The following NCEH1 variants were observed in gnomAD, a reference collection of about 807,000 sequenced individuals.
The protein encoded by NCEH1 is neutral cholesterol ester hydrolase 1.
Under a neutral mutation model 25.4 loss-of-function variants are expected in NCEH1, and 9 were observed. The ratio of observed to expected loss-of-function variants is 0.35; its 90% CI spans 0.21 to 0.62. The LOEUF (loss-of-function observed/expected upper bound fraction) is 0.62, where lower values mean the gene tolerates loss of function less well. Ranked by LOEUF, NCEH1 falls within the 20% of genes least tolerant of loss-of-function variation. The probability of loss-of-function intolerance (pLI) is 0.72; values close to 1 mark genes in which losing one functional copy is unlikely to be tolerated. For missense variants in NCEH1, 412 were observed against 501.1 expected (o/e 0.82, Z 1.70); for synonymous variants, 200 against 199.8 (o/e 1.00, Z -0.01).
chr3:172,635,874 T>C, intron 4 of NCEH1, 42 bp downstream of exon 4: 2 of 1,585,082 alleles, frequency 1.3e-6, no homozygotes, highest in Non-Finnish European at 1.7e-6. Flanking sequence ...GACCTTGTCA[T>C]GCACCGCTTA....
intron 3 of NCEH1, among the ~76,000 whole-genome samples, chr3:172,644,067 G>C (rs1448392101): frequency 6.6e-6 from 1 of 152,110 alleles, no homozygotes; most frequent in Non-Finnish European, 1.5e-5. Context: ...GGCTCCAGCT[G>C]TCTGGACTCT....
rs191104936 is a variant in NCEH1, at chr3:172,673,821, A to G, written c.139-25707T>C. ...CCTCAGTATTCCTCTGCAGAAACAG[A>G]ATAGGCCACTTCTCAGCCGCATACT... On this transcript the variant is annotated intron_variant, in intron 1 of 4. Coordinates refer to ENST00000475381, the MANE Select transcript of NCEH1 (RefSeq NM_020792.6). 5.3e-3 allele frequency among the ~76,000 whole-genome samples: 813 copies of G among 152,324 alleles called. 6 individuals carry two copies. Among genetic ancestry groups the G allele is most frequent in the Non-Finnish European group, 7.7e-3 (521 of 68,020 alleles).
At chr3:172,699,198 G>A (rs1017137025) in intron 1 of NCEH1, among the ~76,000 whole-genome samples, 4 of 152,140 alleles carry the variant, frequency 2.6e-5, no homozygotes, top group Admixed American at 6.6e-5. Flanking sequence ...TGAACGATGC[G>A]TGGGATATTG....
intron 1 of NCEH1, among the ~76,000 whole-genome samples, chr3:172,650,372 G>A (rs544895164): frequency 2.8e-4 from 42 of 151,990 alleles, no homozygotes; most frequent in Non-Finnish European, 5.4e-4. Flanking sequence ...GACCGGGTGC[G>A]GTGGCTCACG....
chr3:172,671,532 T>C (rs139945668), intron 1 of NCEH1, among the ~76,000 whole-genome samples: 20,737 of 117,172 alleles, frequency 0.18, 1,673 homozygotes, highest in African/African-American at 0.25. Flanking sequence ...CACACACATA[T>C]ATAGATATAT....
intron 1 of NCEH1, among the ~76,000 whole-genome samples, chr3:172,699,286 T>G (rs1478066549): frequency 6.6e-6 from 1 of 152,192 alleles, no homozygotes; most frequent in Non-Finnish European, 1.5e-5. Context: ...CGAGCTGAAC[T>G]GTCATCCATG....
intron 1 of NCEH1, among the ~76,000 whole-genome samples, chr3:172,699,223 G>A (rs1203657637): frequency 6.6e-6 from 1 of 152,154 alleles, no homozygotes; most frequent in Non-Finnish European, 1.5e-5. Context: ...AAGTAAAAGG[G>A]TGGGAGGGCA....
chr3:172,695,423 T>C (rs1713300184), intron 1 of NCEH1, among the ~76,000 whole-genome samples: 1 of 152,226 alleles, frequency 6.6e-6, no homozygotes, highest in Admixed American at 6.5e-5. Flanking sequence ...CTCCTTGATA[T>C]AAGACAGTGA....
At chr3:172,701,473 G>A (rs1576783378) in intron 1 of NCEH1, among the ~76,000 whole-genome samples, 1 of 49,142 alleles carries the variant, frequency 2.0e-5, no homozygotes, top group Non-Finnish European at 4.2e-5. Context: ...TTTTAAAGAC[G>A]GAGTCTCCCT....
chr3:172,668,176 A>G (rs1006698338), intron 1 of NCEH1, among the ~76,000 whole-genome samples: 3 of 152,182 alleles, frequency 2.0e-5, no homozygotes, highest in Admixed American at 1.3e-4. Context: ...TAAGCAGCAG[A>G]TAATTTCAGA....
intron 1 of NCEH1, among the ~76,000 whole-genome samples, chr3:172,653,239 G>A (rs1043697899): frequency 6.6e-6 from 1 of 152,120 alleles, no homozygotes; most frequent in Non-Finnish European, 1.5e-5. Context: ...ACCAGACAAA[G>A]AAATCCGGTG....
At chr3:172,696,294 A>G (rs1242531507) in intron 1 of NCEH1, among the ~76,000 whole-genome samples, 1 of 118,648 alleles carries the variant, frequency 8.4e-6, no homozygotes, top group African/African-American at 3.2e-5. Flanking sequence ...CCATGTTAAG[A>G]AGATCTACAC....
chr3:172,633,586 G>C lies in NCEH1; in HGVS notation c.1116C>G (p.His372Gln). ...ESAGVEVTLD[H>Q]FEDGFHGCMI... Reference sequence around the variant, plus strand: ...TACATCCGTGAAAGCCATCCTCAAAGTGATCCAGGGTCACCTCCACACCGG... The same window carrying C: ...TACATCCGTGAAAGCCATCCTCAAACTGATCCAGGGTCACCTCCACACCGG... The change falls in exon 5 of 5, where the codon CAC (histidine) becomes CAG (glutamine). Residue 372 changes from histidine to glutamine, a missense_variant. By Grantham distance (24) the His-to-Gln change is conservative. Transcript: ENST00000475381. The C allele has an allele frequency of 6.2e-7, 1 of 1,614,170 alleles. No homozygotes were observed. Among genetic ancestry groups the C allele is most frequent in the Admixed American group, 1.7e-5 (1 of 60,028 alleles).
intron 2 of NCEH1, among the ~76,000 whole-genome samples, chr3:172,646,713 T>A (rs2108495818): frequency 6.6e-6 from 1 of 152,168 alleles, no homozygotes; most frequent in East Asian, 1.9e-4. Flanking sequence ...GCAGAAGTGA[T>A]CAGTCAAAAT....
chr3:172,668,374 TGAGA>T (rs1718326175), intron 1 of NCEH1, among the ~76,000 whole-genome samples: 2 of 134,912 alleles, frequency 1.5e-5, no homozygotes, highest in East Asian at 2.3e-4. Context: ...TTTTTTTTTT[TGAGA>T]GAGTCTCGCT....
At chr3:172,675,846 G>A (rs1278359194) in intron 1 of NCEH1, among the ~76,000 whole-genome samples, 1 of 152,186 alleles carries the variant, frequency 6.6e-6, no homozygotes, top group Non-Finnish European at 1.5e-5. Flanking sequence ...CTCTAAGTCA[G>A]TTATGGTCTA....
chr3:172,656,711 G>A lies in NCEH1; in HGVS notation c.139-8597C>T, dbSNP rs1455615036. 2.0e-5 allele frequency among the ~76,000 whole-genome samples: 3 copies of A among 152,066 alleles called. No individual in the cohort carries two copies. The East Asian group carries it at 5.8e-4, about 29-fold the overall frequency. On this transcript the variant is annotated intron_variant, in intron 1 of 4. Coordinates refer to ENST00000475381, the MANE Select transcript of NCEH1 (RefSeq NM_020792.6). The stretch of plus-strand genomic sequence containing the variant: ...ACACCGGGAGGCAGAGACTTGCAGT[G>A]AGCCAATATTGCACCACTGCACTCC...
intron 1 of NCEH1, among the ~76,000 whole-genome samples, chr3:172,688,482 T>A (rs759964116): frequency 1.2e-4 from 18 of 152,112 alleles, no homozygotes; most frequent in Non-Finnish European, 2.6e-4. Context: ...TTGAGTATAG[T>A]CTTGTCAGAG....
At chr3:172,650,009 T>A (rs1442340633) in intron 1 of NCEH1, among the ~76,000 whole-genome samples, 3 of 152,254 alleles carry the variant, frequency 2.0e-5, no homozygotes, top group Non-Finnish European at 2.9e-5. Flanking sequence ...GTACATTTTA[T>A]AAGAGAGCCC....
Sources: allele counts gnomAD v4.1 joint callset (sites outside exome capture counted in the v4.1 genomes callset), GRCh38; gene constraint gnomAD v4.1.1; transcripts MANE v1.5; gene names NCBI Gene and HGNC (gene_info 2026-07-23, HGNC 2026-07-21).